RHBDF2: variants seen among roughly 807,000 people sequenced by gnomAD.
RHBDF2 encodes the protein inactive rhomboid protein 2.
In RHBDF2, 38 loss-of-function variants were observed where a neutral mutation model predicts 95.2. The ratio of observed to expected loss-of-function variants is 0.40; its 90% CI spans 0.31 to 0.52. RHBDF2 has a LOEUF of 0.52. Ranked by LOEUF, RHBDF2 falls within the 20% of genes least tolerant of loss-of-function variation. The pLI, the probability that RHBDF2 is intolerant of heterozygous loss-of-function variation, is 0.56. For synonymous variants in RHBDF2, 442 were observed against 462.0 expected, an observed-to-expected ratio of 0.96 and a Z score of 0.55; for missense variants, 863 against 1,137.7, an observed-to-expected ratio of 0.76 and a Z score of 3.47.
At chr17:76,480,006 A>AGTGTGT (rs1567879591) in intron 3 of RHBDF2, 152 bp from the exon 4 acceptor site, 3 of 598,208 alleles carry the variant, frequency 5.0e-6, no homozygotes, top group African/African-American at 7.4e-5. Flanking sequence ...ATATATATAT[A>AGTGTGT]ATGTGTGTGT....
At chr17:76,500,126 G>C (rs1228935186) in intron 1 of RHBDF2, among the ~76,000 whole-genome samples, 2 of 152,174 alleles carry the variant, frequency 1.3e-5, no homozygotes, top group Admixed American at 1.3e-4. Context: ...GCATCATTGA[G>C]AAGGAACCTG....
intron 1 of RHBDF2, chr17:76,493,319 G>C (rs1451439791): frequency 6.6e-6 from 1 of 152,260 alleles, no homozygotes; most frequent in Non-Finnish European, 1.5e-5. Flanking sequence ...AAAACCCGTG[G>C]TACTGCTGAC....
intron 7 of RHBDF2, 138 bp from the exon 8 acceptor site, chr17:76,477,436 C>T: frequency 8.2e-7 from 1 of 1,220,376 alleles, no homozygotes; most frequent in East Asian, 2.4e-5. Context: ...CCCGTCAGCC[C>T]CAATGGTGAC....
intron 1 of RHBDF2, among the ~76,000 whole-genome samples, chr17:76,498,172 CCT>C (rs948168741): frequency 1.3e-5 from 2 of 152,144 alleles, no homozygotes; most frequent in Non-Finnish European, 2.9e-5. Flanking sequence ...CCGCCCGTGC[CCT>C]GAGAGCTGTC....
intron 2 of RHBDF2, among the ~76,000 whole-genome samples, chr17:76,485,303 C>T (rs996000751): frequency 1.3e-5 from 2 of 149,844 alleles, no homozygotes; most frequent in East Asian, 2.0e-4. Flanking sequence ...CCCAGCTACT[C>T]GGGAGGCTGA....
At position 76,473,825 on chromosome 17, in the gene RHBDF2, C is replaced by CCAGG. The variant is rs1228162338; in HGVS notation, c.1638+10_1638+13dup. Reference sequence around the variant, plus strand: ...CCTGACCTTCCCAGACCACTCCCCGCCAGGGACACTCACCGGCCACTTAGT... The same window carrying CCAGG: ...CCTGACCTTCCCAGACCACTCCCCGCCAGGCAGGGACACTCACCGGCCACTTAGT... On this transcript the variant is annotated intron_variant, in intron 14 of 18. Coordinates refer to ENST00000675367, the MANE Select transcript of RHBDF2 (RefSeq NM_001005498.4). The CCAGG allele has an allele frequency of 6.2e-7, 1 of 1,614,024 alleles. No homozygotes were observed. The highest frequency in any genetic ancestry group is 8.5e-7 in the Non-Finnish European group (1 of 1,179,952).
At chr17:76,472,562 C>T (rs1295722531) in intron 18 of RHBDF2, 124 bp downstream of exon 18, 2 of 1,278,850 alleles carry the variant, frequency 1.6e-6, no homozygotes, top group South Asian at 2.5e-5. Context: ...TTAGCTGTCC[C>T]TCCGCTGTGG....
At chr17:76,495,377 CCAGA>C (rs1483045103) in intron 1 of RHBDF2, among the ~76,000 whole-genome samples, 1 of 152,230 alleles carries the variant, frequency 6.6e-6, no homozygotes. Flanking sequence ...CCACCTGCCT[CCAGA>C]CAGTGAAAAT....
Position 76,471,569 on chromosome 17 carries a change from A to G in RHBDF2, c.*64T>C. 4 of 1,472,364 alleles carry G rather than the reference A, an allele frequency of 2.7e-6. No homozygotes were observed. The highest frequency in any genetic ancestry group is 3.6e-6 in the Non-Finnish European group (4 of 1,101,600). 91.2% of individuals were successfully genotyped at this position (1,472,364 alleles called of 1,614,324 possible). A position where few individuals can be genotyped will look rare whatever the true frequency, so the allele number is the denominator to read the frequency against. On this transcript the variant is annotated 3_prime_UTR_variant, in exon 19 of 19. Transcript: ENST00000675367. ...CTGGCACACAGAGAGCGCTCTGCAG[A>G]GGGCAGCCCTCGCAGGCAGACCCTG...
At position 76,474,391 on chromosome 17, in the gene RHBDF2, G is replaced by A. The variant is rs2073696676; in HGVS notation, c.1446C>T (p.Thr482=). The stretch of plus-strand genomic sequence containing the variant: ...CCCCCACCGAGCAGTCCTTCCGCTG[G>A]GTCTGGATGCATCCGGAGTGGTCAT... ...VQNDHSGCIQ[T]QRKDCSETLA... Residue 482 remains threonine, a synonymous_variant, in exon 12 of 19, where the codon ACC becomes ACT. Coordinates refer to ENST00000675367, the MANE Select transcript of RHBDF2 (RefSeq NM_001005498.4). 6.2e-7 allele frequency: 1 copy of A among 1,613,352 alleles called. No individual in the cohort carries two copies. The highest frequency in any genetic ancestry group is 1.3e-5 in the African/African-American group (1 of 74,898).
At position 76,492,551 on chromosome 17, in the gene RHBDF2, C is replaced by T. The variant is rs144134065; in HGVS notation, c.-219-4642G>A. Among the ~76,000 whole-genome samples the T allele has an allele frequency of 6.6e-3, 1,001 of 152,326 alleles. 10 individuals are homozygous for T. The highest frequency in any genetic ancestry group is 0.011 in the Non-Finnish European group (743 of 68,026). Reference sequence around the variant, plus strand: ...CAGGCAGGGTACAAGGGTCCCCCCGCCATGCGGACTGTACAAGCCACACTC... The same window carrying T: ...CAGGCAGGGTACAAGGGTCCCCCCGTCATGCGGACTGTACAAGCCACACTC... On this transcript the variant is annotated intron_variant, in intron 1 of 18. Transcript: ENST00000675367.
intron 2 of RHBDF2, among the ~76,000 whole-genome samples, chr17:76,486,140 G>T (rs565864916): frequency 1.4e-4 from 21 of 150,474 alleles, no homozygotes; most frequent in African/African-American, 5.1e-4. Flanking sequence ...ACAGAGTCTT[G>T]CTCTGTCACC....
rs1195280826 is a variant in RHBDF2, at chr17:76,475,104, T to C, written c.1153A>G (p.Ile385Val). Residue 385 changes from isoleucine to valine, a missense_variant, in exon 10 of 19, where the codon ATC becomes GTC. This residue lies in a region of RHBDF2 where 611 missense variants were observed against 725.5 expected (regional missense o/e 0.84). Coordinates refer to ENST00000675367, the MANE Select transcript of RHBDF2 (RefSeq NM_001005498.4). The part of the protein sequence containing the change: ...FTYWLTFVHV[I>V]ITLLVICTYG... Reference sequence around the variant, plus strand: ...GTGCAAATCACCAGCAGCGTGATGATGACATGGACGAAGGTCAGCCAGTAG... The same window carrying C: ...GTGCAAATCACCAGCAGCGTGATGACGACATGGACGAAGGTCAGCCAGTAG... 9 of 1,600,666 alleles carry C rather than the reference T, an allele frequency of 5.6e-6. No individual in the cohort carries two copies. The highest frequency in any genetic ancestry group is 2.3e-5 in the East Asian group (1 of 44,356).
At chr17:76,497,525 G>A (rs950676870) in intron 1 of RHBDF2, among the ~76,000 whole-genome samples, 7 of 151,958 alleles carry the variant, frequency 4.6e-5, no homozygotes, top group Admixed American at 3.3e-4. Flanking sequence ...GACAGCCCAC[G>A]AGGCAGGGCC....
chr17:76,497,113 A>T (rs1423818107), intron 1 of RHBDF2, among the ~76,000 whole-genome samples: 1 of 152,186 alleles, frequency 6.6e-6, no homozygotes. Flanking sequence ...ACCCACTGGG[A>T]GAGGGAAAAG....
At chr17:76,479,363 T>C in intron 4 of RHBDF2, 86 bp from the exon 5 acceptor site, 1 of 1,521,884 alleles carries the variant, frequency 6.6e-7, no homozygotes, top group Non-Finnish European at 8.8e-7. Context: ...GGCACGTGTG[T>C]GCCCGCGTGC....
Position 76,471,437 on chromosome 17 carries a change from C to A in RHBDF2, c.*196G>T. 1.6e-6 allele frequency: 1 copy of A among 613,628 alleles called. No individual in the cohort carries two copies. The highest frequency in any genetic ancestry group is 2.1e-5 in the South Asian group (1 of 46,550). 38.0% of individuals were successfully genotyped at this position (613,628 alleles called of 1,614,324 possible). A position where few individuals can be genotyped will look rare whatever the true frequency, so the allele number is the denominator to read the frequency against. ...GGGTCAGGATCTCACAGGCCTCACG[C>A]CCCAGAAAAACCCCGCCTTAACCAA... On this transcript the variant is annotated 3_prime_UTR_variant, in exon 19 of 19. Transcript: ENST00000675367.
chr17:76,472,160 G>T, intron 18 of RHBDF2, 108 bp from the exon 19 acceptor site: 1 of 1,119,942 alleles, frequency 8.9e-7, no homozygotes, highest in Non-Finnish European at 1.2e-6. Flanking sequence ...CAGGCATGGG[G>T]ACCCCTGAGG....
In RHBDF2 at chr17:76,471,769, A is replaced by C. The variant is rs767031320; in HGVS notation, c.2348T>G (p.Phe783Cys). 6.2e-7 allele frequency: 1 copy of C among 1,609,848 alleles called. No individual in the cohort carries two copies. Among genetic ancestry groups the C allele is most frequent in the East Asian group, 2.2e-5 (1 of 44,722 alleles). The change falls in exon 19 of 19, where the codon TTT becomes TGT. Residue 783 changes from phenylalanine (F) to cysteine (C), a missense_variant. By Grantham distance (205) the Phe-to-Cys change is radical. This residue lies in a region of RHBDF2 where 252 missense variants were observed against 412.2 expected (regional missense o/e 0.61). Coordinates refer to ENST00000675367, the MANE Select transcript of RHBDF2 (RefSeq NM_001005498.4). ...RALILVSLLAFAGLFAALVLW... is the reference protein window; with the variant it reads ...RALILVSLLACAGLFAALVLW... ...CACGAGGGCGGCGAAGAGGCCGGCA[A>C]AGGCCAGCAGTGACACCAGGATGAG...
Sources: gnomAD v4.1 joint callset for allele counts (sites outside exome capture counted in the v4.1 genomes callset) on GRCh38, gnomAD v4.1.1 for gene constraint, gnomAD v4.1.1 regional missense constraint, MANE v1.5 for transcripts, NCBI Gene and HGNC (gene_info 2026-07-23, HGNC 2026-07-21) for gene names.